FAM83B: variants seen among roughly 807,000 people sequenced by gnomAD.
FAM83B encodes protein FAM83B.
FAM83B carries 26 observed loss-of-function variants against 38.8 expected under a neutral mutation model. The ratio of observed to expected loss-of-function variants is 0.67; its 90% CI spans 0.49 to 0.93. The LOEUF (loss-of-function observed/expected upper bound fraction) is 0.93. Ranked by LOEUF, FAM83B falls within the 40% of genes least tolerant of loss-of-function variation. FAM83B has a pLI of 0.00. For synonymous variants in FAM83B, 419 were observed against 423.1 expected, an observed-to-expected ratio of 0.99 and a Z score of 0.12; for missense variants, 1,237 against 1,197.3, an observed-to-expected ratio of 1.03 and a Z score of -0.49.
chr6:54,925,531 C>A (rs1309437110), intron 2 of FAM83B, among the ~76,000 whole-genome samples: 1 of 152,142 alleles, frequency 6.6e-6, no homozygotes, highest in Non-Finnish European at 1.5e-5. Flanking sequence ...TTCTTTAGGG[C>A]ATTTTCCTTC....
chr6:54,941,732 A>C lies in FAM83B; in HGVS notation c.2761A>C (p.Ser921Arg). 6.2e-7 allele frequency: 1 copy of C among 1,614,166 alleles called. No homozygotes were observed. Among genetic ancestry groups the C allele is most frequent in the East Asian group, 2.2e-5 (1 of 44,880 alleles). Residue 921 changes from serine to arginine, a missense_variant, in exon 5 of 5, where the codon AGT (serine) becomes CGT (arginine). By Grantham distance (110) the Ser-to-Arg change is moderately radical. Transcript: ENST00000306858. Reference protein sequence around the residue: ...RPTSSPRPTSSELLRSHSTDR... With the variant: ...RPTSSPRPTSRELLRSHSTDR... ...TACTTCTTCTCCAAGGCCAACGTCC[A>C]GTGAGCTTCTACGATCTCATTCAAC...
chr6:54,911,875 G>A (rs984043669), intron 2 of FAM83B, among the ~76,000 whole-genome samples: 1 of 151,928 alleles, frequency 6.6e-6, no homozygotes, highest in Non-Finnish European at 1.5e-5. Flanking sequence ...TATTATTTGT[G>A]TCCTTATGTA....
rs36040247 is a variant in FAM83B, at chr6:54,883,332, G to GTT, written c.444+12660_444+12661dup. On this transcript the variant is annotated intron_variant, in intron 2 of 4. Coordinates refer to ENST00000306858, the MANE Select transcript of FAM83B (RefSeq NM_001010872.3). ...TGATTTTTTAGTGATTTTTTTTTAA[G>GTT]TTTTTTTTTTTTTTTTTTTGAGATG... Among the ~76,000 whole-genome samples the GTT allele has an allele frequency of 2.6e-3, 235 of 90,476 alleles. 4 individuals carry two copies. The East Asian group carries it at 0.027, about 10-fold the overall frequency. The allele number at this position is 90,476 out of a possible 152,430, so 59.4% of individuals were successfully genotyped here. A position where few individuals can be genotyped will look rare whatever the true frequency, so the allele number is the denominator to read the frequency against.
intron 2 of FAM83B, among the ~76,000 whole-genome samples, chr6:54,893,773 A>G (rs2127580853): frequency 6.6e-6 from 1 of 152,294 alleles, no homozygotes; most frequent in South Asian, 2.1e-4. Context: ...AACCTTCTTA[A>G]GTTTAGTGCC....
chr6:54,858,070 C>G (rs981037370), intron 1 of FAM83B, among the ~76,000 whole-genome samples: 1 of 152,160 alleles, frequency 6.6e-6, no homozygotes, highest in Non-Finnish European at 1.5e-5. Flanking sequence ...TGGATGTTTG[C>G]AAGTCATTCA....
chr6:54,872,795 T>C (rs1771890125), intron 2 of FAM83B, among the ~76,000 whole-genome samples: 1 of 152,200 alleles, frequency 6.6e-6, no homozygotes, highest in Non-Finnish European at 1.5e-5. Context: ...AAGTCCATAC[T>C]GTAAAACAGT....
chr6:54,922,703 A>G (rs992134368), intron 2 of FAM83B, among the ~76,000 whole-genome samples: 1 of 152,094 alleles, frequency 6.6e-6, no homozygotes, highest in African/African-American at 2.4e-5. Context: ...GAAGAATGTT[A>G]TCACAGATAA....
At chr6:54,865,940 T>A (rs1771690097) in intron 1 of FAM83B, among the ~76,000 whole-genome samples, 1 of 147,774 alleles carries the variant, frequency 6.8e-6, no homozygotes, top group African/African-American at 2.5e-5. Flanking sequence ...AATTATACTA[T>A]AGCAGATTGT....
intron 4 of FAM83B, among the ~76,000 whole-genome samples, chr6:54,931,534 T>C (rs1373391824): frequency 1.3e-5 from 2 of 152,142 alleles, no homozygotes; most frequent in Non-Finnish European, 2.9e-5. Context: ...ACCCCTTTTT[T>C]ATCACATAAT....
At chr6:54,860,039 C>T (rs1771538109) in intron 1 of FAM83B, among the ~76,000 whole-genome samples, 1 of 78,418 alleles carries the variant, frequency 1.3e-5, no homozygotes, top group Non-Finnish European at 2.7e-5. Flanking sequence ...GAAAACCACC[C>T]TCATTGTGTG....
chr6:54,924,990 G>GA (rs760917756), intron 2 of FAM83B, among the ~76,000 whole-genome samples: 1 of 151,902 alleles, frequency 6.6e-6, no homozygotes, highest in Non-Finnish European at 1.5e-5. Flanking sequence ...GTCTTATTCA[G>GA]AAAAAAAGAT....
rs566342341 is a variant in FAM83B, at chr6:54,924,263, T to C, written c.445-2108T>C. ...TGCATCTGTTGATGGACACCTAGAT[T>C]GAGTCTCTATCTTAACATCATGTTG... On this transcript the variant is annotated intron_variant, in intron 2 of 4. Coordinates refer to ENST00000306858, the MANE Select transcript of FAM83B (RefSeq NM_001010872.3). 4.0e-5 allele frequency among the ~76,000 whole-genome samples: 6 copies of C among 151,774 alleles called. No homozygotes were observed. In the South Asian group the frequency reaches 1.3e-3, roughly 32 times the overall value.
chr6:54,870,219 A>G lies in FAM83B; in HGVS notation c.-28A>G. The G allele has an allele frequency of 6.4e-7, 1 of 1,569,910 alleles. No homozygotes were observed. The highest frequency in any genetic ancestry group is 8.7e-7 in the Non-Finnish European group (1 of 1,144,670). On this transcript the variant is annotated 5_prime_UTR_variant, in exon 2 of 5. An upstream open reading frame in the 5' UTR loses its in-frame stop. Coordinates refer to ENST00000306858, the MANE Select transcript of FAM83B (RefSeq NM_001010872.3). Reference sequence around the variant, plus strand: ...TCACCACTGCATGAATGGACATTTGAAAGTGCCATAGCCAAACACTTGCAA... The same window carrying G: ...TCACCACTGCATGAATGGACATTTGGAAGTGCCATAGCCAAACACTTGCAA...
rs745417474 is a variant in FAM83B, at chr6:54,926,457, C to T, written c.531C>T (p.Tyr177=). The change falls in exon 3 of 5, where the codon TAC becomes TAT. Residue 177 remains tyrosine (Y), a synonymous_variant. Coordinates refer to ENST00000306858, the MANE Select transcript of FAM83B (RefSeq NM_001010872.3). The part of the protein sequence containing the change: ...VEASTRGVSV[Y]ILLDESNFNH... Reference sequence around the variant, plus strand: ...CATCAACTCGAGGAGTATCTGTTTACATTCTGCTTGATGAGTCCAATTTTA... The same window carrying T: ...CATCAACTCGAGGAGTATCTGTTTATATTCTGCTTGATGAGTCCAATTTTA... The T allele has an allele frequency of 3.1e-5, 50 of 1,610,418 alleles. No homozygotes were observed. The highest frequency in any genetic ancestry group is 3.7e-5 in the Non-Finnish European group (44 of 1,177,630).
Position 54,883,855 on chromosome 6 carries a change from G to C in FAM83B, c.444+13165G>C, listed in dbSNP as rs994936956. On this transcript the variant is annotated intron_variant, in intron 2 of 4. Coordinates refer to ENST00000306858, the MANE Select transcript of FAM83B (RefSeq NM_001010872.3). Reference sequence around the variant, plus strand: ...TTTTTAATCTTTTATTTTAAGGTTAGCTATTTTTGTGTTCTATCAAAGAAA... The same window carrying C: ...TTTTTAATCTTTTATTTTAAGGTTACCTATTTTTGTGTTCTATCAAAGAAA... Among the ~76,000 whole-genome samples the C allele has an allele frequency of 6.6e-5, 10 of 151,268 alleles. No homozygotes were observed. In the East Asian group the frequency reaches 1.9e-3, roughly 29 times the overall value.
chr6:54,923,701 T>C (rs573459939), intron 2 of FAM83B, among the ~76,000 whole-genome samples: 2 of 152,116 alleles, frequency 1.3e-5, no homozygotes, highest in African/African-American at 4.8e-5. Context: ...TGCTTCCCAC[T>C]ACACTGAGAA....
Position 54,870,534 on chromosome 6 carries a change from GTC to G in FAM83B, c.290_291del (p.Ser97Ter). 1 of 1,614,066 alleles carries G rather than the reference GTC, an allele frequency of 6.2e-7. No homozygotes were observed. ...LSSGTYWPVE[S>X]DVEAPNLDLG... ...CTTCAGGGACCTACTGGCCTGTTGA[GTC>G]TGATGTGGAAGCTCCAAATCTTGAC... is the stretch of plus-strand genomic sequence containing the variant. On this transcript the variant is annotated frameshift_variant, in exon 2 of 5. Coordinates refer to ENST00000306858, the MANE Select transcript of FAM83B (RefSeq NM_001010872.3). LOFTEE classifies it high-confidence loss of function.
intron 1 of FAM83B, among the ~76,000 whole-genome samples, chr6:54,850,683 A>C (rs1271491870): frequency 6.6e-6 from 1 of 152,170 alleles, no homozygotes; most frequent in Non-Finnish European, 1.5e-5. Flanking sequence ...GTTACTCCAA[A>C]TACCTAGTCT....
At chr6:54,846,539 G>A (rs946786962), upstream of FAM83B, among the ~76,000 whole-genome samples, 7 of 152,342 alleles carry the variant, frequency 4.6e-5, no homozygotes, top group Admixed American at 2.6e-4. Flanking sequence ...AGAGAGCAGG[G>A]TGTTTGAGTT....
Sources: gnomAD v4.1 joint callset for allele counts (sites outside exome capture counted in the v4.1 genomes callset) on GRCh38, gnomAD v4.1.1 for gene constraint, MANE v1.5 for transcripts, NCBI Gene and HGNC (gene_info 2026-07-23, HGNC 2026-07-21) for gene names.